Variants in MAFF observed in about 807,000 individuals in gnomAD.
MAFF encodes the protein transcription factor MafF.
Under a neutral mutation model 2.7 loss-of-function variants are expected in MAFF, and 4 were observed. That is an observed-to-expected ratio of 1.48 (90% CI 0.73 to 3.39). MAFF has a LOEUF of 3.39. Among genes scored for constraint, MAFF ranks in the 30% most tolerant of loss-of-function variants. The probability of loss-of-function intolerance (pLI) is 0.01; values close to 1 mark genes in which losing one functional copy is unlikely to be tolerated. For missense variants in MAFF, 190 were observed against 246.6 expected, an observed-to-expected ratio of 0.77 and a Z score of 1.54; for synonymous variants, 113 against 119.4, an observed-to-expected ratio of 0.95 and a Z score of 0.35.
intron 1 of MAFF, chr22:38,204,162 T>A (rs1419480837): frequency 1.3e-5 from 2 of 152,204 alleles, no homozygotes; most frequent in African/African-American, 4.8e-5. Flanking sequence ...CTGGACCAGA[T>A]GCCAGGGATG....
chr22:38,211,291 A>G (rs1288248417), intron 1 of MAFF, among the ~76,000 whole-genome samples: 1 of 151,144 alleles, frequency 6.6e-6, no homozygotes, highest in Non-Finnish European at 1.5e-5. Context: ...CAGTGGCACA[A>G]TCTTGGCTCA....
chr22:38,206,037 T>G (rs1049216246), intron 1 of MAFF, among the ~76,000 whole-genome samples: 32 of 150,998 alleles, frequency 2.1e-4, no homozygotes, highest in Non-Finnish European at 4.0e-4. Flanking sequence ...CATGGAGGAG[T>G]GGGGGAAGAG....
chr22:38,208,529 C>A (rs1025715693), intron 1 of MAFF, among the ~76,000 whole-genome samples: 2 of 152,184 alleles, frequency 1.3e-5, no homozygotes, highest in Non-Finnish European at 2.9e-5. Context: ...CCAGGAGGTA[C>A]TGAACTACGT....
chr22:38,211,230 C>CTT (rs61328776), intron 1 of MAFF, among the ~76,000 whole-genome samples: 2 of 139,972 alleles, frequency 1.4e-5, no homozygotes, highest in Admixed American at 7.1e-5. Flanking sequence ...GGAGCACTTT[C>CTT]TTTTTTTTTT....
chr22:38,210,451 G>A (rs989622311), intron 1 of MAFF, among the ~76,000 whole-genome samples: 1 of 152,168 alleles, frequency 6.6e-6, no homozygotes, highest in Non-Finnish European at 1.5e-5. Flanking sequence ...GGTGCCAGGC[G>A]CGGTTCTAGG....
chr22:38,204,993 G>T (rs561502437), intron 1 of MAFF, among the ~76,000 whole-genome samples: 1 of 152,186 alleles, frequency 6.6e-6, no homozygotes, highest in East Asian at 1.9e-4. Context: ...TTGTGGTCAT[G>T]GTCCAGATGA....
chr22:38,207,698 A>G (rs567226133), intron 1 of MAFF, among the ~76,000 whole-genome samples: 54 of 151,368 alleles, frequency 3.6e-4, no homozygotes, highest in African/African-American at 1.3e-3. Context: ...CCTGGGCTCA[A>G]TGGTTCCTCC....
chr22:38,210,880 T>G (rs1484471243), intron 1 of MAFF, among the ~76,000 whole-genome samples: 1 of 151,914 alleles, frequency 6.6e-6, no homozygotes, highest in Non-Finnish European at 1.5e-5. Flanking sequence ...GGCAACATGA[T>G]GAAACTCTGT....
chr22:38,202,773 T>C lies in MAFF; in HGVS notation c.-32+561T>C, dbSNP rs1047654790. ...AGCAGTGTGTACCTCGGAGAGGGCGTGCCCTGGGCCGGCCACCGGAGTAAA... is the reference window on the plus strand; with the variant it reads ...AGCAGTGTGTACCTCGGAGAGGGCGCGCCCTGGGCCGGCCACCGGAGTAAA... On this transcript the variant is annotated intron_variant, in intron 1 of 2. Coordinates refer to ENST00000338483, the MANE Select transcript of MAFF (RefSeq NM_012323.4). This position sits in a 1 kb window ranked among gnomAD's most constrained non-coding sequence, Gnocchi z 7.4. 6.6e-6 allele frequency: 1 copy of C among 151,956 alleles called. No individual in the cohort carries two copies. Among genetic ancestry groups the C allele is most frequent in the African/African-American group, 2.4e-5 (1 of 41,316 alleles). 9.4% of individuals were successfully genotyped at this position (151,956 alleles called of 1,614,324 possible). A position where few individuals can be genotyped will look rare whatever the true frequency, so the allele number is the denominator to read the frequency against.
In MAFF at chr22:38,214,415, C is replaced by T; in HGVS notation, c.37-5C>T. The T allele has an allele frequency of 3.8e-6, 6 of 1,582,064 alleles. No individual in the cohort carries two copies. Among genetic ancestry groups the T allele is most frequent in the East Asian group, 2.3e-5 (1 of 43,788 alleles). On this transcript the variant is annotated splice_region_variant and splice_polypyrimidine_tract_variant and intron_variant, in intron 2 of 2. Transcript: ENST00000338483. The surrounding 1 kb of genome is among the most constrained non-coding windows in gnomAD (Gnocchi z 6.3). ...CCCTGGACCTCAGTTTCCTCATGCCCGCAGATCAAGCGAGAGCTGAGCGAG... is the reference window on the plus strand; with the variant it reads ...CCCTGGACCTCAGTTTCCTCATGCCTGCAGATCAAGCGAGAGCTGAGCGAG...
chr22:38,207,423 C>CTTT (rs71195092), intron 1 of MAFF, among the ~76,000 whole-genome samples: 88 of 78,332 alleles, frequency 1.1e-3, no homozygotes, highest in Non-Finnish European at 1.7e-3. Context: ...GCTTGGCCAT[C>CTTT]TTTTTTTTTT....
intron 1 of MAFF, among the ~76,000 whole-genome samples, chr22:38,207,369 C>T (rs1452816447): frequency 2.0e-5 from 3 of 151,548 alleles, no homozygotes; most frequent in African/African-American, 4.9e-5. Context: ...GATCCGCCCA[C>T]CTCGGCCTCC....
chr22:38,207,678 G>A (rs1332630152), intron 1 of MAFF, among the ~76,000 whole-genome samples: 2 of 150,870 alleles, frequency 1.3e-5, no homozygotes, highest in African/African-American at 4.9e-5. Context: ...GCTCACTGCC[G>A]CCTTGAATTC....
At position 38,214,888 on chromosome 22, in the gene MAFF, C is replaced by A; in HGVS notation, c.*10C>A. 6.6e-7 allele frequency: 1 copy of A among 1,513,406 alleles called. No homozygotes were observed. The highest frequency in any genetic ancestry group is 8.9e-7 in the Non-Finnish European group (1 of 1,126,188). The allele number at this position is 1,513,406 out of a possible 1,614,324, so 93.7% of individuals were successfully genotyped here. ...GGCCTCCTGCTCCTAGTGCCCGCCCCCGCCATGCCTCAGCCACGCCCCTCC... is the reference window on the plus strand; with the variant it reads ...GGCCTCCTGCTCCTAGTGCCCGCCCACGCCATGCCTCAGCCACGCCCCTCC... On this transcript the variant is annotated 3_prime_UTR_variant, in exon 3 of 3. Coordinates refer to ENST00000338483, the MANE Select transcript of MAFF (RefSeq NM_012323.4). This position sits in a 1 kb window ranked among gnomAD's most constrained non-coding sequence, Gnocchi z 6.3.
intron 1 of MAFF, among the ~76,000 whole-genome samples, chr22:38,210,189 C>T (rs2091087509): frequency 6.6e-6 from 1 of 152,210 alleles, no homozygotes; most frequent in Admixed American, 6.5e-5. Flanking sequence ...TGGGTCCACC[C>T]AGCTACCCCC....
rs1057446685 is a variant in MAFF, at chr22:38,206,815, G to A, written c.-32+4603G>A. ...AAGGGCAGTTGATTAACTTGCGTGG[G>A]GAGAGGCTTCCCTTCTCCCATTGGG... On this transcript the variant is annotated intron_variant, in intron 1 of 2. Transcript: ENST00000338483. Among the ~76,000 whole-genome samples the A allele has an allele frequency of 2.6e-5, 4 of 152,190 alleles. No individual in the cohort carries two copies. The East Asian group carries it at 7.7e-4, about 29-fold the overall frequency.
Position 38,214,445 on chromosome 22 carries a change from C to G in MAFF, c.62C>G (p.Thr21Arg). ...LKIKRELSEN[T>R]PHLSDEALMG... ...ATCAAGCGAGAGCTGAGCGAGAACA[C>G]GCCGCACCTGTCGGACGAGGCGCTG... Residue 21 changes from threonine (T) to arginine (R), a missense_variant, in exon 3 of 3, where the codon ACG becomes AGG. This residue lies in a region of MAFF where 87 missense variants were observed against 143.6 expected (regional missense o/e 0.61). Coordinates refer to ENST00000338483, the MANE Select transcript of MAFF (RefSeq NM_012323.4). This position sits in a 1 kb window ranked among gnomAD's most constrained non-coding sequence, Gnocchi z 6.3. The G allele has an allele frequency of 6.2e-7, 1 of 1,606,032 alleles. No individual in the cohort carries two copies. The highest frequency in any genetic ancestry group is 8.5e-7 in the Non-Finnish European group (1 of 1,177,138).
At chr22:38,204,045 G>A (rs1453662745) in intron 1 of MAFF, 1 of 152,276 alleles carries the variant, frequency 6.6e-6, no homozygotes, top group Non-Finnish European at 1.5e-5. Flanking sequence ...GTCAGGGGAT[G>A]AGGGGAAGTG....
chr22:38,208,252 C>A (rs904289222), intron 1 of MAFF, among the ~76,000 whole-genome samples: 1 of 152,196 alleles, frequency 6.6e-6, no homozygotes, highest in African/African-American at 2.4e-5. Context: ...AGGTATTGTT[C>A]CGATCCTTTA....
Sources: allele counts gnomAD v4.1 joint callset (sites outside exome capture counted in the v4.1 genomes callset), GRCh38; gene constraint gnomAD v4.1.1; regional missense constraint gnomAD v4.1.1; non-coding constraint Gnocchi (gnomAD v3.1); transcripts MANE v1.5; gene names NCBI Gene and HGNC (gene_info 2026-07-23, HGNC 2026-07-21).